Variants in SASH1 observed in about 807,000 individuals in gnomAD.
The protein encoded by SASH1 is SAM and SH3 domain containing 1, also known as SAM and SH3 domain-containing protein 1.
Under a neutral mutation model 125.2 loss-of-function variants are expected in SASH1, and 44 were observed. That is an observed-to-expected ratio of 0.35 (90% confidence interval 0.28 to 0.45). The LOEUF is 0.45. Among genes scored for constraint, SASH1 ranks in the 20% least tolerant of loss-of-function variants. The pLI, the probability that SASH1 is intolerant of heterozygous loss-of-function variation, is 1.00. For synonymous variants in SASH1, 639 were observed against 649.1 expected, an observed-to-expected ratio of 0.98 and a Z score of 0.24; for missense variants, 1,426 against 1,614.5, an observed-to-expected ratio of 0.88 and a Z score of 2.00.
chr6:148,519,929 C>T lies in SASH1; in HGVS notation c.1209+36C>T, dbSNP rs1475047624. 1.4e-6 allele frequency: 2 copies of T among 1,424,746 alleles called. No individual in the cohort carries two copies. The highest frequency in any genetic ancestry group is 9.5e-7 in the Non-Finnish European group (1 of 1,057,992). 88.3% of individuals were successfully genotyped at this position (1,424,746 alleles called of 1,614,324 possible). ...ATGGTGTTTGCTTCTATGACAACCA[C>T]CGTCGCAGGCACCACCTTCTGGTGT... On this transcript the variant is annotated intron_variant, in intron 10 of 19. Coordinates refer to ENST00000367467, the MANE Select transcript of SASH1 (RefSeq NM_015278.5). This position sits in a 1 kb window ranked among gnomAD's most constrained non-coding sequence, Gnocchi z 4.8.
intron 4 of SASH1, among the ~76,000 whole-genome samples, chr6:148,448,113 A>T (rs1486501152): frequency 1.5e-5 from 2 of 133,204 alleles, no homozygotes; most frequent in Non-Finnish European, 1.6e-5. Flanking sequence ...TGCAGTGGAG[A>T]GAGTGTGTGT....
At chr6:148,504,291 C>T (rs902701996) in intron 8 of SASH1, among the ~76,000 whole-genome samples, 1 of 152,036 alleles carries the variant, frequency 6.6e-6, no homozygotes, top group Non-Finnish European at 1.5e-5. Flanking sequence ...GGGGTGAGAC[C>T]GGGTGCTCTG....
At chr6:148,497,521 T>C (rs888251493) in intron 8 of SASH1, among the ~76,000 whole-genome samples, 1 of 152,250 alleles carries the variant, frequency 6.6e-6, no homozygotes, top group East Asian at 1.9e-4. Context: ...TCCCACCTAT[T>C]AGCTCTGTAT....
At chr6:148,535,652 AGTCT>A (rs1448643471) in intron 16 of SASH1, among the ~76,000 whole-genome samples, 22 of 152,320 alleles carry the variant, frequency 1.4e-4, no homozygotes, top group East Asian at 1.9e-4. Context: ...GCTTTTATGA[AGTCT>A]GTCTATTTGA....
chr6:148,543,828 G>C lies in SASH1; in HGVS notation c.2358G>C (p.Arg786Ser), dbSNP rs764830830. The C allele has an allele frequency of 6.2e-7, 1 of 1,614,182 alleles. No homozygotes were observed. Among genetic ancestry groups the C allele is most frequent in the Non-Finnish European group, 8.5e-7 (1 of 1,180,032 alleles). The change falls in exon 18 of 20, where the codon AGG becomes AGC. Residue 786 changes from arginine to serine, a missense_variant. By Grantham distance (110) the Arg-to-Ser change is moderately radical. This residue lies in a region of SASH1 where 634 missense variants were observed against 694.4 expected (regional missense o/e 0.91). Transcript: ENST00000367467. ...TGAAGCAGGGACAGGAGGAGGGCAG[G>C]CTGGGTGGTGGCCTTGCCCCAGACA... ...DALKQGQEEGRLGGGLAPDTS... is the reference protein window; with the variant it reads ...DALKQGQEEGSLGGGLAPDTS...
chr6:148,236,855 C>CA, the SASH1 span, among the ~76,000 whole-genome samples: 1 of 152,188 alleles, frequency 6.6e-6, no homozygotes, highest in Non-Finnish European at 1.5e-5. Flanking sequence ...GGTGGGGCCT[C>CA]ATGGGAGGTG....
rs1376186507 is a variant in SASH1, at chr6:148,550,908, C to T, written c.*2350C>T. ...TCATGTGAATTTCCAAGTTTTAATT[C>T]GTTCTCCATGAAGGATTTTCATTTC... On this transcript the variant is annotated 3_prime_UTR_variant, in exon 20 of 20. Transcript: ENST00000367467. The T allele has an allele frequency of 2.6e-5, 4 of 152,440 alleles. No individual in the cohort carries two copies. The East Asian group carries it at 5.8e-4, about 22-fold the overall frequency. 9.4% of individuals were successfully genotyped at this position (152,440 alleles called of 1,614,324 possible).
chr6:148,481,314 A>G (rs1350451878), intron 7 of SASH1, among the ~76,000 whole-genome samples: 1 of 152,164 alleles, frequency 6.6e-6, no homozygotes, highest in African/African-American at 2.4e-5. Flanking sequence ...AGACCATTCA[A>G]ACTTTCTCCA....
chr6:148,228,210 A>G, the SASH1 span, among the ~76,000 whole-genome samples: 1 of 152,196 alleles, frequency 6.6e-6, no homozygotes, highest in Admixed American at 6.5e-5. Flanking sequence ...TTATTTTAGA[A>G]TTTATATAGA....
intron 1 of SASH1, among the ~76,000 whole-genome samples, chr6:148,281,106 C>CTT (rs34144143): frequency 1.1e-3 from 74 of 69,228 alleles, no homozygotes; most frequent in African/African-American, 3.2e-3. Flanking sequence ...CCATGCCTAG[C>CTT]TTTTTTTTTT....
chr6:148,326,339 T>TATATATGCATATATATATATATATATGC (rs1780806913), intron 1 of SASH1, among the ~76,000 whole-genome samples: 3 of 76,346 alleles, frequency 3.9e-5, no homozygotes, highest in Non-Finnish European at 2.6e-5. Flanking sequence ...TATATATATA[T>TATATATGCATATATATATATATATATGC]ATATATATAT....
chr6:148,511,313 T>A (rs1286310413), intron 8 of SASH1, among the ~76,000 whole-genome samples: 1 of 138,686 alleles, frequency 7.2e-6, no homozygotes, highest in African/African-American at 2.7e-5. Context: ...ACTTCTAGGT[T>A]AATTTTCTAT....
At chr6:148,229,700 A>G in the SASH1 span, among the ~76,000 whole-genome samples, 1 of 151,144 alleles carries the variant, frequency 6.6e-6, no homozygotes, top group Non-Finnish European at 1.5e-5. Context: ...GACCAACACC[A>G]TAATATAACG....
intron 7 of SASH1, among the ~76,000 whole-genome samples, chr6:148,486,942 T>C (rs1358701850): frequency 3.8e-4 from 1 of 2,646 alleles, no homozygotes; most frequent in Admixed American, 4.6e-3. Flanking sequence ...AACAAATATA[T>C]ATATATATAT....
At chr6:148,210,835 T>C in the SASH1 span, among the ~76,000 whole-genome samples, 1 of 152,200 alleles carries the variant, frequency 6.6e-6, no homozygotes, top group Admixed American at 6.5e-5. Context: ...AGGTATAGAA[T>C]TGTAGTAGAT....
At chr6:148,331,175 T>G (rs907569988) in intron 1 of SASH1, among the ~76,000 whole-genome samples, 1 of 152,210 alleles carries the variant, frequency 6.6e-6, no homozygotes, top group Non-Finnish European at 1.5e-5. Flanking sequence ...GAAATTTGCT[T>G]CTTGTCTATA....
intron 16 of SASH1, among the ~76,000 whole-genome samples, chr6:148,536,014 C>CCAT (rs1781823078): frequency 6.6e-6 from 1 of 152,180 alleles, no homozygotes; most frequent in African/African-American, 2.4e-5. Context: ...GAAACACACA[C>CCAT]CATCAGATAG....
Position 148,544,420 on chromosome 6 carries a change from C to T in SASH1, c.2950C>T (p.Pro984Ser), listed in dbSNP as rs1407953674. Reference sequence around the variant, plus strand: ...AATGCAGCCCAAAATTCCATCACAGCCTCCACCTGTTCCTGCCAAAAAGAG... The same window carrying T: ...AATGCAGCCCAAAATTCCATCACAGTCTCCACCTGTTCCTGCCAAAAAGAG... ...QRMQPKIPSQ[P>S]PPVPAKKSRE... Residue 984 changes from proline (P) to serine (S), a missense_variant, in exon 18 of 20, where the codon CCT becomes TCT. This residue lies in a region of SASH1 where 634 missense variants were observed against 694.4 expected (regional missense o/e 0.91). Coordinates refer to ENST00000367467, the MANE Select transcript of SASH1 (RefSeq NM_015278.5). The surrounding 1 kb of genome is among the most constrained non-coding windows in gnomAD (Gnocchi z 6.4). The T allele has an allele frequency of 6.2e-7, 1 of 1,614,210 alleles. No individual in the cohort carries two copies. Among genetic ancestry groups the T allele is most frequent in the Admixed American group, 1.7e-5 (1 of 60,028 alleles).
chr6:148,486,380 C>G (rs896025948), intron 7 of SASH1, among the ~76,000 whole-genome samples: 5 of 152,160 alleles, frequency 3.3e-5, no homozygotes, highest in African/African-American at 1.2e-4. Context: ...CTTGGCCTCC[C>G]AAGGTTCTGG....
Sources: gnomAD v4.1 joint callset for allele counts (sites outside exome capture counted in the v4.1 genomes callset) on GRCh38, gnomAD v4.1.1 for gene constraint, gnomAD v4.1.1 regional missense constraint, Gnocchi (gnomAD v3.1) non-coding constraint, MANE v1.5 for transcripts, NCBI Gene and HGNC (gene_info 2026-07-23, HGNC 2026-07-21) for gene names.